Variants in SH2D2A observed in about 807,000 individuals in gnomAD.
The protein encoded by SH2D2A is SH2 domain containing 2A.
Under a neutral mutation model 43.6 loss-of-function variants are expected in SH2D2A, and 33 were observed. The observed-to-expected ratio is 0.76, with a 90% CI of 0.57 to 1.01. The LOEUF is 1.01. SH2D2A is among the 50% of genes least tolerant of loss of function. The pLI, the probability that SH2D2A is intolerant of heterozygous loss-of-function variation, is 0.00. For synonymous variants in SH2D2A, 212 were observed against 206.1 expected (o/e 1.03, Z -0.25); for missense variants, 491 against 503.1 (o/e 0.98, Z 0.23).
intron 3 of SH2D2A, 81 bp from the exon 4 acceptor site, chr1:156,814,375 A>C: frequency 6.5e-7 from 1 of 1,545,806 alleles, no homozygotes; most frequent in South Asian, 1.2e-5. Flanking sequence ...CTCACGAGGA[A>C]CCCCTACCCC....
chr1:156,814,385 C>G lies in SH2D2A; in HGVS notation c.309-91G>C, dbSNP rs371609875. ...CGGCTCTCACGAGGAACCCCTACCC[C>G]CAAGCAAGCATGCTGGAGCGGCTAG... On this transcript the variant is annotated intron_variant, in intron 3 of 8. Transcript: ENST00000368199. The G allele has an allele frequency of 1.0e-5, 16 of 1,537,182 alleles. No homozygotes were observed. The African/African-American group carries it at 1.2e-4, about 12-fold the overall frequency.
rs948606708 is a variant in SH2D2A, at chr1:156,809,563, C to T, written c.715-73G>A. The T allele has an allele frequency of 5.8e-6, 9 of 1,554,328 alleles. No individual in the cohort carries two copies. The South Asian group carries it at 1.1e-4, about 19-fold the overall frequency. On this transcript the variant is annotated intron_variant, in intron 6 of 8. Transcript: ENST00000368199. This position sits in a 1 kb window ranked among gnomAD's most constrained non-coding sequence, Gnocchi z 4.8. ...GTTAAAGCCCCAGCCTAACTCCCAG[C>T]CTGAGCCTCTGCCCCCGCTAGGCCC...
chr1:156,814,654 A>C, intron 3 of SH2D2A: 2 of 397,600 alleles, frequency 5.0e-6, no homozygotes, highest in East Asian at 4.1e-5. Flanking sequence ...TTAGGGAGAA[A>C]TGAGGCTGAG....
rs1053457821 is a variant in SH2D2A, at chr1:156,807,747, G to T, written c.1003-402C>A. Among the ~76,000 whole-genome samples, 2 of 152,224 alleles carry T rather than the reference G, an allele frequency of 1.3e-5. No homozygotes were observed. Among genetic ancestry groups the T allele is most frequent in the East Asian group, 1.9e-4 (1 of 5,200 alleles). ...TGCCAGGCAGCGGGAGGATGAGGTT[G>T]CAGGAAGTTGCTATAGGCAGAGATA... On this transcript the variant is annotated intron_variant, in intron 7 of 8. Coordinates refer to ENST00000368199, the MANE Select transcript of SH2D2A (RefSeq NM_003975.4). The surrounding 1 kb of genome is among the most constrained non-coding windows in gnomAD (Gnocchi z 5.1).
chr1:156,809,391 G>C lies in SH2D2A; in HGVS notation c.814C>G (p.Arg272Gly). 1 of 1,614,062 alleles carries C rather than the reference G, an allele frequency of 6.2e-7. No individual in the cohort carries two copies. Among genetic ancestry groups the C allele is most frequent in the Non-Finnish European group, 8.5e-7 (1 of 1,180,022 alleles). Residue 272 changes from arginine to glycine, a missense_variant, in exon 7 of 9, where the codon CGC (arginine) becomes GGC (glycine). Transcript: ENST00000368199. This position sits in a 1 kb window ranked among gnomAD's most constrained non-coding sequence, Gnocchi z 4.8. The stretch of plus-strand genomic sequence containing the variant: ...TAGATAGGATTGGAGGGCTTGGGGC[G>C]TGGGGCCGGGCGGTGTCGTGGAACA... ...IPVPRHRPAPRPKPSNPIYNE... is the reference protein window; with the variant it reads ...IPVPRHRPAPGPKPSNPIYNE...
At chr1:156,815,707 C>T in intron 2 of SH2D2A, 1 of 1,105,310 alleles carries the variant, frequency 9.0e-7, no homozygotes, top group Non-Finnish European at 1.4e-6. Context: ...CAAATGGTCA[C>T]TGACACAGAG....
intron 3 of SH2D2A, chr1:156,814,627 A>AG (rs1653716863): frequency 2.3e-6 from 1 of 439,012 alleles, no homozygotes. Context: ...AGCTGAACTG[A>AG]GGAGGTGAAC....
At chr1:156,816,209 C>A in intron 1 of SH2D2A, 115 bp from the exon 2 acceptor site, 1 of 1,450,942 alleles carries the variant, frequency 6.9e-7, no homozygotes, top group Middle Eastern at 1.9e-4. Flanking sequence ...GTCTTAACGA[C>A]AGGAAAAACG....
intron 2 of SH2D2A, 91 bp from the exon 3 acceptor site, chr1:156,815,312 T>G: frequency 1.0e-6 from 1 of 988,342 alleles, no homozygotes; most frequent in Non-Finnish European, 1.4e-6. Context: ...CTTTTCCTCA[T>G]ACCCAGCCTC....
intron 2 of SH2D2A, 171 bp from the exon 3 acceptor site, chr1:156,815,392 C>A: frequency 1.7e-6 from 1 of 591,794 alleles, no homozygotes; most frequent in South Asian, 2.5e-5. Context: ...CCTTCTTCAG[C>A]TCCAGCTGTT....
At chr1:156,812,794 C>CT (rs1653510886) in intron 5 of SH2D2A, among the ~76,000 whole-genome samples, 1 of 152,188 alleles carries the variant, frequency 6.6e-6, no homozygotes, top group African/African-American at 2.4e-5. Context: ...TAGACAGACT[C>CT]TGTCTTCTTT....
intron 3 of SH2D2A, 21 bp from the exon 4 acceptor site, chr1:156,814,315 G>A: frequency 6.2e-7 from 1 of 1,609,768 alleles, no homozygotes; most frequent in East Asian, 2.3e-5. Context: ...CGGAGAGAGG[G>A]GGCCGAACCC....
At chr1:156,815,878 C>T (rs372317622) in intron 2 of SH2D2A, 128 bp downstream of exon 2, 29 of 1,613,880 alleles carry the variant, frequency 1.8e-5, no homozygotes, top group Admixed American at 8.3e-5. Context: ...TGCCCCAGCC[C>T]GTTGGCAGAC....
At chr1:156,815,964 T>A (rs1653870297) in intron 2 of SH2D2A, 42 bp downstream of exon 2, 2 of 1,557,766 alleles carry the variant, frequency 1.3e-6, no homozygotes, top group Non-Finnish European at 1.7e-6. Flanking sequence ...GTGGGAGAGA[T>A]GAGGGAGCTG....
intron 1 of SH2D2A, 169 bp from the exon 2 acceptor site, chr1:156,816,263 C>A: frequency 4.2e-6 from 3 of 709,236 alleles, no homozygotes; most frequent in Non-Finnish European, 5.2e-6. Flanking sequence ...GGTTAAGTAG[C>A]CAAGGCGGCA....
chr1:156,814,137 A>C, intron 4 of SH2D2A, 68 bp downstream of exon 4: 1 of 1,595,222 alleles, frequency 6.3e-7, no homozygotes, highest in Non-Finnish European at 8.5e-7. Flanking sequence ...TCCTCACGGG[A>C]TCAGACCCAA....
intron 7 of SH2D2A, among the ~76,000 whole-genome samples, chr1:156,808,143 C>A (rs925760390): frequency 6.6e-6 from 1 of 152,118 alleles, no homozygotes; most frequent in South Asian, 2.1e-4. Context: ...CAAAGCCAGA[C>A]CCCAATGATG....
In SH2D2A at chr1:156,809,689, A is replaced by T; in HGVS notation, c.686T>A (p.Met229Lys). ...IIKQGQAPVP[M>K]QKEGAGEKEP... ...CTTCTCCCCGGCCCCCTCTTTCTGC[A>T]TCGGGACTGGGGCTTGCCCCTGTTT... Residue 229 changes from methionine (M) to lysine (K), a missense_variant, in exon 6 of 9, where the codon ATG becomes AAG. Met to Lys is a moderately conservative substitution (Grantham distance 95, BLOSUM62 -1). Coordinates refer to ENST00000368199, the MANE Select transcript of SH2D2A (RefSeq NM_003975.4). The surrounding 1 kb of genome is among the most constrained non-coding windows in gnomAD (Gnocchi z 4.8). 1 of 1,612,160 alleles carries T rather than the reference A, an allele frequency of 6.2e-7. No individual in the cohort carries two copies. Among genetic ancestry groups the T allele is most frequent in the Non-Finnish European group, 8.5e-7 (1 of 1,179,482 alleles).
intron 3 of SH2D2A, chr1:156,814,587 G>A (rs1653713420): frequency 2.0e-6 from 1 of 488,476 alleles, no homozygotes; most frequent in Non-Finnish European, 3.6e-6. Context: ...GGATGGGAAA[G>A]TAGTTGGACT....
Sources: allele counts gnomAD v4.1 joint callset (sites outside exome capture counted in the v4.1 genomes callset), GRCh38; gene constraint gnomAD v4.1.1; non-coding constraint Gnocchi (gnomAD v3.1); transcripts MANE v1.5; gene names NCBI Gene and HGNC (gene_info 2026-07-23, HGNC 2026-07-21).